GPRC5B: variants seen among roughly 807,000 people sequenced by gnomAD.
GPRC5B encodes the protein G protein-coupled receptor class C group 5 member B, also known as G protein-coupled receptor family C group 5 member B.
In GPRC5B, 16 loss-of-function variants were observed where a neutral mutation model predicts 30.1. The observed-to-expected ratio is 0.53, with a 90% CI of 0.36 to 0.81. The LOEUF (loss-of-function observed/expected upper bound fraction) is 0.81. GPRC5B is among the 30% of genes least tolerant of loss of function. The pLI is 0.01. For synonymous variants in GPRC5B, 241 were observed against 239.5 expected (o/e 1.01, Z -0.06); for missense variants, 428 against 544.7 (o/e 0.79, Z 2.13).
chr16:19,867,420 A>G (rs1006433295), intron 2 of GPRC5B, among the ~76,000 whole-genome samples: 1 of 152,334 alleles, frequency 6.6e-6, no homozygotes, highest in Non-Finnish European at 1.5e-5. Flanking sequence ...AGATTAAAAG[A>G]GATCAGCCAC....
intron 2 of GPRC5B, among the ~76,000 whole-genome samples, chr16:19,865,919 A>G (rs1007983366): frequency 6.6e-6 from 1 of 152,046 alleles, no homozygotes; most frequent in Non-Finnish European, 1.5e-5. Context: ...TTGAGCAAGC[A>G]CTGTTTTTGT....
chr16:19,859,285 A>G lies in GPRC5B; in HGVS notation c.*1215T>C, dbSNP rs1269375861. The G allele has an allele frequency of 6.5e-6, 1 of 152,704 alleles. No homozygotes were observed. The highest frequency in any genetic ancestry group is 1.5e-5 in the Non-Finnish European group (1 of 68,080). 9.5% of individuals were successfully genotyped at this position (152,704 alleles called of 1,614,324 possible). ...AGATGTTCGAAATGCTAAATAACAA[A>G]GGAATGACTTGCTCAGGACAGATGG... On this transcript the variant is annotated 3_prime_UTR_variant, in exon 4 of 4. Transcript: ENST00000300571.
At chr16:19,873,844 C>T (rs1306194190) in intron 1 of GPRC5B, among the ~76,000 whole-genome samples, 6 of 152,090 alleles carry the variant, frequency 3.9e-5, no homozygotes, top group African/African-American at 9.7e-5. Context: ...GTGGCGCAAT[C>T]GGAGGCTCAC....
intron 1 of GPRC5B, chr16:19,880,884 T>TG (rs1200215788): frequency 1.3e-5 from 2 of 149,372 alleles, no homozygotes; most frequent in African/African-American, 4.9e-5. Context: ...GGCTCCACCC[T>TG]GTGTCCCCTC....
At position 19,861,795 on chromosome 16, in the gene GPRC5B, A is replaced by G. The variant is rs201199981; in HGVS notation, c.1167+42T>C. On this transcript the variant is annotated intron_variant, in intron 3 of 3. Transcript: ENST00000300571. The stretch of plus-strand genomic sequence containing the variant: ...TTGAAGCTGCTCCCCGACACCGTAG[A>G]CTCCTAGGCTTCCTACCCCCACATC... The G allele has an allele frequency of 4.6e-5, 73 of 1,582,258 alleles. No individual in the cohort carries two copies. In the African/African-American group the frequency reaches 7.7e-4, roughly 17 times the overall value.
rs760216727 is a variant in GPRC5B, at chr16:19,872,156, C to T, written c.690G>A (p.Lys230=). ...FTLCGKFKRW[K]LNGAFLLITA... is the part of the protein sequence containing the mutation. Reference sequence around the variant, plus strand: ...TGATGAGGAGGAAGGCCCCGTTCAGCTTCCACCTCTTGAACTTGCCGCACA... The same window carrying T: ...TGATGAGGAGGAAGGCCCCGTTCAGTTTCCACCTCTTGAACTTGCCGCACA... Residue 230 remains lysine (K), a synonymous_variant, in exon 2 of 4, where the codon AAG becomes AAA. Coordinates refer to ENST00000300571, the MANE Select transcript of GPRC5B (RefSeq NM_016235.3). This position sits in a 1 kb window ranked among gnomAD's most constrained non-coding sequence, Gnocchi z 5.0. 10 of 1,614,190 alleles carry T rather than the reference C, an allele frequency of 6.2e-6. No homozygotes were observed. In the South Asian group the frequency reaches 8.8e-5, roughly 14 times the overall value.
chr16:19,883,493 C>A (rs2056823428), intron 1 of GPRC5B, among the ~76,000 whole-genome samples: 3 of 152,254 alleles, frequency 2.0e-5, no homozygotes, highest in African/African-American at 7.2e-5. Flanking sequence ...AGCCCGAGTC[C>A]CCACCGAAGA....
At chr16:19,879,465 G>A (rs146094712) in intron 1 of GPRC5B, among the ~76,000 whole-genome samples, 1 of 151,942 alleles carries the variant, frequency 6.6e-6, no homozygotes, top group East Asian at 1.9e-4. Context: ...GCGCATGCAC[G>A]CACTCTGCAG....
chr16:19,873,239 C>T (rs913923757), intron 1 of GPRC5B, among the ~76,000 whole-genome samples: 4 of 151,752 alleles, frequency 2.6e-5, no homozygotes, highest in South Asian at 2.1e-4. Context: ...CAGAGGCGGG[C>T]GGATCACGAG....
chr16:19,858,135 C>G lies in GPRC5B; in HGVS notation c.*2365G>C, dbSNP rs74504262. On this transcript the variant is annotated 3_prime_UTR_variant, in exon 4 of 4. Transcript: ENST00000300571. ...ACCTTGCTCCACGGGGGGCAGCTGGCTGCTACAGTCTCTTGGCAAAGATGT... is the reference window on the plus strand; with the variant it reads ...ACCTTGCTCCACGGGGGGCAGCTGGGTGCTACAGTCTCTTGGCAAAGATGT... The G allele has an allele frequency of 5.0e-6, 1 of 199,708 alleles. No homozygotes were observed. The highest frequency in any genetic ancestry group is 1.1e-4 in the East Asian group (1 of 9,120). The allele number at this position is 199,708 out of a possible 1,614,324, so 12.4% of individuals were successfully genotyped here.
intron 1 of GPRC5B, among the ~76,000 whole-genome samples, chr16:19,875,282 G>A (rs940623065): frequency 3.3e-5 from 5 of 152,212 alleles, no homozygotes; most frequent in African/African-American, 4.8e-5. Context: ...GGTACCTTCC[G>A]GGGTGAGGAT....
At chr16:19,880,138 A>G (rs1244882751) in intron 1 of GPRC5B, among the ~76,000 whole-genome samples, 1 of 151,490 alleles carries the variant, frequency 6.6e-6, no homozygotes, top group African/African-American at 2.4e-5. Context: ...TGCTCAAAAT[A>G]TAATAATAAT....
At position 19,876,522 on chromosome 16, in the gene GPRC5B, T is replaced by C. The variant is rs571951645; in HGVS notation, c.-1-3676A>G. Among the ~76,000 whole-genome samples the C allele has an allele frequency of 8.5e-5, 13 of 152,302 alleles. No individual in the cohort carries two copies. In the East Asian group the frequency reaches 2.3e-3, roughly 27 times the overall value. On this transcript the variant is annotated intron_variant, in intron 1 of 3. Transcript: ENST00000300571. ...ACTTGGCCTTCTGAAGCTGTTTCCA[T>C]TCACTCCCTGAGGGGGTTCTCTCTT...
chr16:19,875,987 G>A (rs1282225258), intron 1 of GPRC5B, among the ~76,000 whole-genome samples: 2 of 152,146 alleles, frequency 1.3e-5, no homozygotes, highest in Non-Finnish European at 2.9e-5. Context: ...CCCAGTGGAG[G>A]GGCCCTGGAA....
intron 1 of GPRC5B, among the ~76,000 whole-genome samples, chr16:19,880,624 A>G (rs1273784021): frequency 6.6e-6 from 1 of 152,092 alleles, no homozygotes; most frequent in African/African-American, 2.4e-5. Flanking sequence ...CTCTTCTGCA[A>G]CCTGCAGCAG....
At chr16:19,883,572 CTCTTG>C (rs548030513) in intron 1 of GPRC5B, among the ~76,000 whole-genome samples, 35 of 152,390 alleles carry the variant, frequency 2.3e-4, no homozygotes, top group South Asian at 1.0e-3. Context: ...TCCCCCACTT[CTCTTG>C]TCTTTGCGGG....
Position 19,884,833 on chromosome 16 carries a change from C to A in GPRC5B, c.-108G>T. 1.0e-6 allele frequency: 1 copy of A among 983,936 alleles called. No homozygotes were observed. Among genetic ancestry groups the A allele is most frequent in the Non-Finnish European group, 1.2e-6 (1 of 829,494 alleles). 61.0% of individuals were successfully genotyped at this position (983,936 alleles called of 1,614,324 possible). A position where few individuals can be genotyped will look rare whatever the true frequency, so the allele number is the denominator to read the frequency against. ...GCTCCACGCACGCCCGCCTGCGGGT[C>A]CAGCTTCACTGCAGCGCCTGCCAGA... On this transcript the variant is annotated 5_prime_UTR_variant, in exon 1 of 4. Transcript: ENST00000300571.
intron 2 of GPRC5B, among the ~76,000 whole-genome samples, chr16:19,869,429 A>C (rs568884428): frequency 6.6e-6 from 1 of 152,070 alleles, no homozygotes; most frequent in East Asian, 1.9e-4. Context: ...ATTATTATTA[A>C]TGTTGTAGCC....
chr16:19,881,435 GTT>G (rs2141154126), intron 1 of GPRC5B, among the ~76,000 whole-genome samples: 1 of 152,136 alleles, frequency 6.6e-6, no homozygotes, highest in East Asian at 1.9e-4. Flanking sequence ...GAAAAGTCAG[GTT>G]TGGTGCCCGA....
Sources: allele counts gnomAD v4.1 joint callset (sites outside exome capture counted in the v4.1 genomes callset), GRCh38; gene constraint gnomAD v4.1.1; non-coding constraint Gnocchi (gnomAD v3.1); transcripts MANE v1.5; gene names NCBI Gene and HGNC (gene_info 2026-07-23, HGNC 2026-07-21).